The following MDN1 variants were observed in gnomAD, a reference collection of about 807,000 sequenced individuals.
MDN1 encodes the protein midasin.
A neutral mutation model predicts 669.2 loss-of-function variants in MDN1; 266 were observed. The ratio of observed to expected loss-of-function variants is 0.40; its 90% CI spans 0.36 to 0.44. MDN1 has a LOEUF of 0.44. Among genes scored for constraint, MDN1 ranks in the 20% least tolerant of loss-of-function variants. The probability of loss-of-function intolerance (pLI) is 1.00; values close to 1 mark genes in which losing one functional copy is unlikely to be tolerated. For missense variants in MDN1, 5,940 were observed against 6,754.0 expected (o/e 0.88, Z 4.22); for synonymous variants, 2,385 against 2,457.1 (o/e 0.97, Z 0.87).
At chr6:89,809,645 A>T (rs1260713364) in intron 1 of MDN1, among the ~76,000 whole-genome samples, 1 of 151,604 alleles carries the variant, frequency 6.6e-6, no homozygotes, top group Non-Finnish European at 1.5e-5. Flanking sequence ...GCATTATGGC[A>T]TATACCTGTA....
At chr6:89,733,454 G>A (rs116708537) in intron 33 of MDN1, among the ~76,000 whole-genome samples, 1 of 151,700 alleles carries the variant, frequency 6.6e-6, no homozygotes, top group Non-Finnish European at 1.5e-5. Context: ...GTCAACAACA[G>A]TAGACATTTA....
At chr6:89,654,100 G>A in intron 93 of MDN1, 64 bp downstream of exon 93, 4 of 1,560,758 alleles carry the variant, frequency 2.6e-6, no homozygotes, top group Non-Finnish European at 3.5e-6. Flanking sequence ...AGATTATAGT[G>A]AGAGAGAACT....
At chr6:89,673,640 C>T (rs1349896182) in intron 79 of MDN1, 178 bp from the exon 80 acceptor site, 4 of 577,456 alleles carry the variant, frequency 6.9e-6, no homozygotes, top group African/African-American at 1.9e-5. Flanking sequence ...GACTGAAGCA[C>T]AATTATTTTC....
At chr6:89,749,405 CCTTTTAATT>C (rs1469446314) in intron 25 of MDN1, 36 bp from the exon 26 acceptor site, 1 of 1,605,910 alleles carries the variant, frequency 6.2e-7, no homozygotes, top group African/African-American at 1.3e-5. Context: ...GTAAAAGGTG[CCTTTTAATT>C]TCCAATATGG....
At chr6:89,790,005 G>T (rs572887371) in intron 6 of MDN1, 94 bp from the exon 7 acceptor site, 1 of 1,580,174 alleles carries the variant, frequency 6.3e-7, no homozygotes, top group Non-Finnish European at 8.6e-7. Context: ...ATAGGTAGGT[G>T]TAAGTAAGTA....
Position 89,750,544 on chromosome 6 carries a change from T to G in MDN1, c.3228-12A>C, listed in dbSNP as rs367765461. ...GCACTGGATAGGTTCTGTAAAAGAT[T>G]AGCCAATTAAGCAACTTAAAACAAC... On this transcript the variant is annotated splice_polypyrimidine_tract_variant and intron_variant, in intron 23 of 101. Transcript: ENST00000369393. 2.2e-5 allele frequency: 35 copies of G among 1,592,380 alleles called. No individual in the cohort carries two copies. The highest frequency in any genetic ancestry group is 1.7e-4 in the Middle Eastern group (1 of 5,980).
chr6:89,790,065 A>G lies in MDN1; in HGVS notation c.1098+94T>C, dbSNP rs990665333. On this transcript the variant is annotated intron_variant, in intron 6 of 101. Transcript: ENST00000369393. ...GCCCCAACAGTTATAAGCAAGACCAATAACTATTGTTATATTCCCTTAGCA... is the reference window on the plus strand; with the variant it reads ...GCCCCAACAGTTATAAGCAAGACCAGTAACTATTGTTATATTCCCTTAGCA... 43 of 1,597,168 alleles carry G rather than the reference A, an allele frequency of 2.7e-5. 1 individual carries two copies. The Admixed American group carries it at 5.4e-4, about 20-fold the overall frequency.
At chr6:89,664,706 G>T (rs1278599094) in intron 84 of MDN1, 78 bp from the exon 85 acceptor site, 4 of 1,140,394 alleles carry the variant, frequency 3.5e-6, no homozygotes, top group Non-Finnish European at 5.0e-6. Context: ...AAATGCCAAG[G>T]TTAATGGTGT....
chr6:89,734,715 G>GAGAGAGAGA (rs1393154478), intron 33 of MDN1, among the ~76,000 whole-genome samples: 1 of 147,004 alleles, frequency 6.8e-6, no homozygotes, highest in South Asian at 2.2e-4. Context: ...GAGAGAGAGA[G>GAGAGAGAGA]AACTCCCTGA....
intron 80 of MDN1, 109 bp downstream of exon 80, chr6:89,673,127 G>A: frequency 1.0e-6 from 1 of 963,104 alleles, no homozygotes; most frequent in Non-Finnish European, 1.6e-6. Flanking sequence ...ACCCTGGACA[G>A]GTACATGTAG....
chr6:89,787,659 G>A (rs1423958962), intron 8 of MDN1, among the ~76,000 whole-genome samples, 195 bp downstream of exon 8: 1 of 41,804 alleles, frequency 2.4e-5, no homozygotes, highest in Non-Finnish European at 4.8e-5. Context: ...TTTTTAAGTC[G>A]GGGGGGGGAC....
At chr6:89,762,165 G>A (rs1162835654) in intron 16 of MDN1, among the ~76,000 whole-genome samples, 154 bp downstream of exon 16, 2 of 152,126 alleles carry the variant, frequency 1.3e-5, no homozygotes, top group Admixed American at 6.5e-5. Context: ...GTGGAAATAC[G>A]TGAATAATGG....
chr6:89,676,203 G>C lies in MDN1; in HGVS notation c.12544C>G (p.Leu4182Val). 6.2e-7 allele frequency: 1 copy of C among 1,614,042 alleles called. No homozygotes were observed. The highest frequency in any genetic ancestry group is 8.5e-7 in the Non-Finnish European group (1 of 1,179,870). The change falls in exon 77 of 102, where the codon CTT becomes GTT. Residue 4182 changes from leucine (L) to valine (V), a missense_variant. By Grantham distance (32) the Leu-to-Val change is conservative (BLOSUM62 1). This residue lies in a region of MDN1 where 2,280 missense variants were observed against 2,576.3 expected (regional missense o/e 0.88). Transcript: ENST00000369393. Reference protein sequence around the residue: ...SSTQEADSRLLTEISSSWDGC... With the variant: ...SSTQEADSRLVTEISSSWDGC... ...TCCCATGAAGACGAGATTTCTGTAA[G>C]CAGCCTGGAAAAGATATCAACATTG...
In MDN1 at chr6:89,762,349, C is replaced by CA; in HGVS notation, c.2325dup (p.Val776CysfsTer2). The CA allele has an allele frequency of 6.2e-7, 1 of 1,614,118 alleles. No individual in the cohort carries two copies. The highest frequency in any genetic ancestry group is 8.5e-7 in the Non-Finnish European group (1 of 1,180,018). ...TCACTGTCTTTTCCATCCTTGTTAACAGCAGACTTGTGTACATGCTGCATT... is the reference window on the plus strand; with the variant it reads ...TCACTGTCTTTTCCATCCTTGTTAACAAGCAGACTTGTGTACATGCTGCATT... On this transcript the variant is annotated frameshift_variant, in exon 16 of 102. Transcript: ENST00000369393. LOFTEE classifies it high-confidence loss of function.
chr6:89,747,363 C>T lies in MDN1; in HGVS notation c.3870G>A (p.Lys1290=), dbSNP rs763434828. The T allele has an allele frequency of 6.2e-7, 1 of 1,614,094 alleles. No individual in the cohort carries two copies. The highest frequency in any genetic ancestry group is 8.5e-7 in the Non-Finnish European group (1 of 1,180,012). Reference sequence around the variant, plus strand: ...CTAAATGCTGTAGCCAGTCATACTCCTTCTCGGTCGGCTCAGCCAATCTGT... The same window carrying T: ...CTAAATGCTGTAGCCAGTCATACTCTTTCTCGGTCGGCTCAGCCAATCTGT... The part of the protein sequence containing the change: ...ERYRLAEPTE[K]EYDWLQHLAN... Residue 1290 remains lysine (K), a synonymous_variant, in exon 27 of 102, where the codon AAG becomes AAA. Coordinates refer to ENST00000369393, the MANE Select transcript of MDN1 (RefSeq NM_014611.3).
chr6:89,645,495 T>G (rs1001645929), intron 100 of MDN1, among the ~76,000 whole-genome samples: 2 of 152,240 alleles, frequency 1.3e-5, no homozygotes, highest in African/African-American at 4.8e-5. Context: ...AACACTAGTT[T>G]ATGGCTATAA....
rs754854593 is a variant in MDN1, at chr6:89,671,011, G to A, written c.13864C>T (p.Leu4622Phe). The change falls in exon 83 of 102, where the codon CTC (leucine) becomes TTC (phenylalanine). Residue 4622 changes from leucine to phenylalanine, a missense_variant. Leu to Phe is a conservative substitution (Grantham distance 22, BLOSUM62 0). Transcript: ENST00000369393. ...GCTAAAGACATGGTCAGGAAGAAGA[G>A]GACGAGGTCTGAGTAGCTGGAGAGG... ...PVLSSYSDLVLFFLTMSLATH... is the reference protein window; with the variant it reads ...PVLSSYSDLVFFFLTMSLATH... 8.7e-6 allele frequency: 14 copies of A among 1,614,126 alleles called. No individual in the cohort carries two copies. The highest frequency in any genetic ancestry group is 1.2e-5 in the Non-Finnish European group (14 of 1,180,016).
intron 46 of MDN1, among the ~76,000 whole-genome samples, chr6:89,713,931 G>A (rs1253542663): frequency 2.0e-5 from 3 of 151,670 alleles, no homozygotes; most frequent in Non-Finnish European, 4.4e-5. Context: ...CCAGCTACTC[G>A]GAGAGGCTGA....
chr6:89,743,147 T>C lies in MDN1; in HGVS notation c.4448+3A>G. The C allele has an allele frequency of 6.2e-7, 1 of 1,613,520 alleles. No individual in the cohort carries two copies. Among genetic ancestry groups the C allele is most frequent in the Middle Eastern group, 1.7e-4 (1 of 6,058 alleles). On this transcript the variant is annotated splice_donor_region_variant and intron_variant, in intron 31 of 101. Coordinates refer to ENST00000369393, the MANE Select transcript of MDN1 (RefSeq NM_014611.3). Reference sequence around the variant, plus strand: ...ACACAAGGCAAACCTCTCAGGCACGTACCTGTTGAGTCTTTCCAAGACAGA... The same window carrying C: ...ACACAAGGCAAACCTCTCAGGCACGCACCTGTTGAGTCTTTCCAAGACAGA...
Sources: allele counts gnomAD v4.1 joint callset (sites outside exome capture counted in the v4.1 genomes callset), GRCh38; gene constraint gnomAD v4.1.1; regional missense constraint gnomAD v4.1.1; transcripts MANE v1.5; gene names NCBI Gene and HGNC (gene_info 2026-07-23, HGNC 2026-07-21).